Variants in ADGRL3 observed in about 807,000 individuals in gnomAD.
The protein encoded by ADGRL3 is calcium-independent alpha-latrotoxin receptor 3.
In ADGRL3, 62 loss-of-function variants were observed where a neutral mutation model predicts 153.5. The observed-to-expected ratio is 0.40, with a 90% CI of 0.33 to 0.50. The LOEUF is 0.50. ADGRL3 is among the 20% of genes least tolerant of loss of function. The pLI is 0.47. For missense variants in ADGRL3, 1,641 were observed against 1,859.4 expected (o/e 0.88, Z 2.16); for synonymous variants, 710 against 672.5 (o/e 1.06, Z -0.86).
At chr4:61,624,363 G>A (rs895920361) in intron 5 of ADGRL3, among the ~76,000 whole-genome samples, 6 of 152,066 alleles carry the variant, frequency 3.9e-5, no homozygotes, top group Non-Finnish European at 1.5e-5. Context: ...ATGGGATATA[G>A]AAAATGAGGC....
intron 9 of ADGRL3, among the ~76,000 whole-genome samples, chr4:61,878,099 G>A (rs184050509): frequency 1.3e-3 from 204 of 152,200 alleles, no homozygotes; most frequent in Middle Eastern, 6.8e-3. Context: ...CCCAATCTCA[G>A]GAAATGTCTT....
chr4:61,699,032 T>A (rs746877046), intron 6 of ADGRL3, among the ~76,000 whole-genome samples: 5 of 152,216 alleles, frequency 3.3e-5, no homozygotes, highest in Non-Finnish European at 7.3e-5. Context: ...ATGGTAATAA[T>A]ACGTTGTATT....
intron 1 of ADGRL3, among the ~76,000 whole-genome samples, chr4:61,228,866 A>C (rs1299631479): frequency 6.6e-6 from 1 of 151,988 alleles, no homozygotes; most frequent in Non-Finnish European, 1.5e-5. Flanking sequence ...TGATTTTTGT[A>C]CTTTTAGTAG....
At chr4:61,819,067 CT>C (rs995409254) in intron 9 of ADGRL3, among the ~76,000 whole-genome samples, 1 of 151,972 alleles carries the variant, frequency 6.6e-6, no homozygotes, top group Non-Finnish European at 1.5e-5. Flanking sequence ...ACTATAACCC[CT>C]CATCTTAATT....
At chr4:61,935,292 T>C (rs188558936) in intron 14 of ADGRL3, among the ~76,000 whole-genome samples, 1 of 152,320 alleles carries the variant, frequency 6.6e-6, no homozygotes, top group African/African-American at 2.4e-5. Context: ...GTTCGTTTTT[T>C]TAAAGGACTT....
At chr4:61,964,638 T>G (rs957555985) in intron 17 of ADGRL3, among the ~76,000 whole-genome samples, 1 of 152,182 alleles carries the variant, frequency 6.6e-6, no homozygotes, top group Non-Finnish European at 1.5e-5. Flanking sequence ...ATCACTAAAT[T>G]TAGTTTTAAG....
chr4:61,890,671 G>T (rs1318281670), intron 9 of ADGRL3, among the ~76,000 whole-genome samples: 1 of 152,148 alleles, frequency 6.6e-6, no homozygotes, highest in Non-Finnish European at 1.5e-5. Context: ...CCTTCATAAA[G>T]GTTCCACTTT....
chr4:61,365,373 A>G (rs2096376731), intron 1 of ADGRL3, among the ~76,000 whole-genome samples: 2 of 152,218 alleles, frequency 1.3e-5, no homozygotes, highest in African/African-American at 4.8e-5. Flanking sequence ...TGGCAAGTGC[A>G]AAAGGCATAG....
intron 9 of ADGRL3, among the ~76,000 whole-genome samples, chr4:61,828,834 A>T (rs1488163543): frequency 6.6e-6 from 1 of 152,224 alleles, no homozygotes; most frequent in Non-Finnish European, 1.5e-5. Flanking sequence ...ATGAAAAGCT[A>T]TGTCCCTGCC....
chr4:61,618,058 T>G (rs1246378060), intron 5 of ADGRL3, among the ~76,000 whole-genome samples: 1 of 152,170 alleles, frequency 6.6e-6, no homozygotes, highest in African/African-American at 2.4e-5. Flanking sequence ...AATAGATAAT[T>G]TCAGTCTAAT....
intron 5 of ADGRL3, among the ~76,000 whole-genome samples, chr4:61,593,022 A>C (rs1252318919): frequency 2.0e-5 from 3 of 152,116 alleles, no homozygotes; most frequent in Non-Finnish European, 4.4e-5. Context: ...TGTTTTTCAT[A>C]AGGTTACCAT....
chr4:61,316,273 TG>T (rs976674732), intron 1 of ADGRL3, among the ~76,000 whole-genome samples: 2 of 152,132 alleles, frequency 1.3e-5, no homozygotes, highest in African/African-American at 4.8e-5. Context: ...ACAAACAAAT[TG>T]GGCTTATTTC....
intron 4 of ADGRL3, among the ~76,000 whole-genome samples, chr4:61,571,182 A>G (rs953774631): frequency 3.3e-5 from 5 of 152,032 alleles, no homozygotes; most frequent in African/African-American, 1.2e-4. Context: ...AGGTCTACTA[A>G]GGGGCTCAAA....
At chr4:61,622,940 A>T (rs569248484) in intron 5 of ADGRL3, among the ~76,000 whole-genome samples, 1 of 152,248 alleles carries the variant, frequency 6.6e-6, no homozygotes, top group Admixed American at 6.5e-5. Flanking sequence ...TAAGCAAAAA[A>T]TGAGAAAACC....
At position 62,037,042 on chromosome 4, in the gene ADGRL3, A is replaced by G. The variant is rs565133136; in HGVS notation, c.3592-689A>G. On this transcript the variant is annotated intron_variant, in intron 23 of 26. Transcript: ENST00000683033. ...TTAAGTATTTAATCAAGAATGCTAT[A>G]AAGTAATTATATTTCTCTGTGATTA... 1.9e-4 allele frequency among the ~76,000 whole-genome samples: 29 copies of G among 152,256 alleles called. No homozygotes were observed. The South Asian group carries it at 5.6e-3, about 29-fold the overall frequency.
intron 1 of ADGRL3, among the ~76,000 whole-genome samples, chr4:61,369,056 T>C (rs1172745417): frequency 6.6e-6 from 1 of 152,230 alleles, no homozygotes; most frequent in Non-Finnish European, 1.5e-5. Flanking sequence ...ATAGGAATGC[T>C]TGTGATTTGT....
At chr4:61,276,073 G>A (rs1269423048) in intron 1 of ADGRL3, among the ~76,000 whole-genome samples, 1 of 152,106 alleles carries the variant, frequency 6.6e-6, no homozygotes, top group Non-Finnish European at 1.5e-5. Context: ...TGAAGAGTAA[G>A]TACCTAGGTG....
At chr4:61,722,536 A>T (rs1037838562) in intron 6 of ADGRL3, among the ~76,000 whole-genome samples, 4 of 152,216 alleles carry the variant, frequency 2.6e-5, no homozygotes, top group Non-Finnish European at 5.9e-5. Flanking sequence ...CAAAGAACAG[A>T]AAATATTTTG....
chr4:61,377,371 A>G (rs552686387), intron 1 of ADGRL3, among the ~76,000 whole-genome samples: 1 of 152,204 alleles, frequency 6.6e-6, no homozygotes, highest in Admixed American at 6.5e-5. Flanking sequence ...TGGGTAATAT[A>G]TTGACTAAGG....
Sources: gnomAD v4.1 joint callset for allele counts (sites outside exome capture counted in the v4.1 genomes callset) on GRCh38, gnomAD v4.1.1 for gene constraint, MANE v1.5 for transcripts, NCBI Gene and HGNC (gene_info 2026-07-23, HGNC 2026-07-21) for gene names.